PIGH: variants seen among roughly 807,000 people sequenced by gnomAD.
PIGH encodes phosphatidylinositol glycan anchor biosynthesis class H.
In PIGH, 11 loss-of-function variants were observed where a neutral mutation model predicts 20.1. The observed-to-expected ratio is 0.55, with a 90% confidence interval of 0.34 to 0.91. PIGH has a LOEUF of 0.91. Ranked by LOEUF, PIGH falls within the 40% of genes least tolerant of loss-of-function variation. The pLI is 0.02. For synonymous variants in PIGH, 72 were observed against 93.1 expected (o/e 0.77, Z 1.31); for missense variants, 189 against 233.6 (o/e 0.81, Z 1.24).
rs189115295 is a variant in PIGH, at chr14:67,589,672, C to T, written c.*408G>A. On this transcript the variant is annotated 3_prime_UTR_variant, in exon 4 of 4. Transcript: ENST00000216452. ...CCAGTACTGAAGGGCTTGTTTTTTT[C>T]GTAACTTTACACAAGGGGTACTATT... 447 of 990,592 alleles carry T rather than the reference C, an allele frequency of 4.5e-4. 3 individuals carry two copies. In the African/African-American group the frequency reaches 7.3e-3, roughly 16 times the overall value. 61.4% of individuals were successfully genotyped at this position (990,592 alleles called of 1,614,324 possible).
chr14:67,594,126 A>G (rs2036427402), intron 1 of PIGH, among the ~76,000 whole-genome samples, 174 bp from the exon 2 acceptor site: 1 of 152,118 alleles, frequency 6.6e-6, no homozygotes, highest in African/African-American at 2.4e-5. Flanking sequence ...TCTAGGGGAA[A>G]CCTCCATCAG....
rs1466531697 is a variant in PIGH at position 67,600,078 on chromosome 14, G to C, written c.126C>G (p.Thr42=). 6.3e-7 allele frequency: 1 copy of C among 1,593,212 alleles called. No individual in the cohort carries two copies. Among genetic ancestry groups the C allele is most frequent in the Admixed American group, 1.7e-5 (1 of 57,228 alleles). ...CCAGCCACACCGTGCAGGTGACAGC[G>C]GTGAGCGAACGCAGCGAGAGCCGAG... The part of the protein sequence containing the change: ...SCPRLSLRSL[T]AVTCTVWLAA... The change falls in exon 1 of 4, where the codon ACC becomes ACG. Residue 42 remains threonine, a synonymous_variant. Transcript: ENST00000216452.
At chr14:67,596,990 T>C (rs1244568169) in intron 1 of PIGH, among the ~76,000 whole-genome samples, 1 of 152,244 alleles carries the variant, frequency 6.6e-6, no homozygotes, top group East Asian at 1.9e-4. Flanking sequence ...GATGGTCTCT[T>C]TCTACTTTTT....
intron 3 of PIGH, among the ~76,000 whole-genome samples, chr14:67,591,024 AAT>A (rs1456041159): frequency 6.6e-6 from 1 of 152,208 alleles, no homozygotes; most frequent in Non-Finnish European, 1.5e-5. Flanking sequence ...GAATGGAAAA[AAT>A]ATATGTGAAA....
rs61749519 is a variant in PIGH, at chr14:67,600,189, C to T, written c.15G>A (p.Arg5=). The change falls in exon 1 of 4, where the codon CGG becomes CGA. Residue 5 remains arginine, a synonymous_variant. Coordinates refer to ENST00000216452, the MANE Select transcript of PIGH (RefSeq NM_004569.5). Reference sequence around the variant, plus strand: ...GGCCGCCGCAGATATCCGAAAAGCTCCGCTCATCCTCCATGACGCCCCCAC... The same window carrying T: ...GGCCGCCGCAGATATCCGAAAAGCTTCGCTCATCCTCCATGACGCCCCCAC... The part of the protein sequence containing the change: MEDE[R]SFSDICGGRL... The T allele has an allele frequency of 0.023, 36,599 of 1,582,094 alleles. 1,133 individuals are homozygous for T. The highest frequency in any genetic ancestry group is 0.15 in the African/African-American group (10,764 of 74,192).
In PIGH at chr14:67,589,784, T is replaced by G; in HGVS notation, c.*296A>C. 1.8e-6 allele frequency: 2 copies of G among 1,088,856 alleles called. No individual in the cohort carries two copies. The highest frequency in any genetic ancestry group is 2.2e-6 in the Non-Finnish European group (2 of 897,372). The allele number at this position is 1,088,856 out of a possible 1,614,324, so 67.4% of individuals were successfully genotyped here. On this transcript the variant is annotated 3_prime_UTR_variant, in exon 4 of 4. Coordinates refer to ENST00000216452, the MANE Select transcript of PIGH (RefSeq NM_004569.5). ...TCAACAAAGTAAACCTGAACATGCT[T>G]AGCAATTTCCGAAAGTGTTCTTTGC...
At chr14:67,592,899 C>G (rs1177807295) in intron 2 of PIGH, 181 bp from the exon 3 acceptor site, 2 of 456,272 alleles carry the variant, frequency 4.4e-6, no homozygotes, top group Non-Finnish European at 7.9e-6. Context: ...GATTCTCCTG[C>G]CTCAGCCTCC....
intron 1 of PIGH, among the ~76,000 whole-genome samples, chr14:67,597,525 C>A (rs1332399056): frequency 6.6e-6 from 1 of 151,740 alleles, no homozygotes; most frequent in African/African-American, 2.4e-5. Context: ...GTTTGCTTAT[C>A]TCTGTGCTAG....
rs2036407029 is a variant in PIGH, at chr14:67,593,116, C to A, written c.391-398G>T. On this transcript the variant is annotated intron_variant, in intron 2 of 3. Coordinates refer to ENST00000216452, the MANE Select transcript of PIGH (RefSeq NM_004569.5). ...TCTATTTTTCTAAGGGAAGGCTCAA[C>A]ACTTTTTCACAAATGTTTAAGTAGT... The A allele has an allele frequency of 1.8e-5, 3 of 169,434 alleles. No homozygotes were observed. The South Asian group carries it at 4.4e-4, about 25-fold the overall frequency. The allele number at this position is 169,434 out of a possible 1,614,324, so 10.5% of individuals were successfully genotyped here.
intron 3 of PIGH, among the ~76,000 whole-genome samples, chr14:67,591,222 A>G (rs2036361506): frequency 6.6e-6 from 1 of 152,194 alleles, no homozygotes; most frequent in Non-Finnish European, 1.5e-5. Flanking sequence ...AAAGAGATAC[A>G]AATTTAATGC....
Position 67,592,811 on chromosome 14 carries a change from A to T in PIGH, c.391-93T>A, listed in dbSNP as rs548132529. 3.4e-5 allele frequency: 28 copies of T among 828,166 alleles called. 1 individual carries two copies. In the South Asian group the frequency reaches 4.3e-4, roughly 13 times the overall value. The allele number at this position is 828,166 out of a possible 1,614,324, so 51.3% of individuals were successfully genotyped here. On this transcript the variant is annotated intron_variant, in intron 2 of 3. Coordinates refer to ENST00000216452, the MANE Select transcript of PIGH (RefSeq NM_004569.5). ...CTTTATTTATTTATTTTTGAGACAGAGTCTCTCTCTGTTGCCCAAGCTGCA... is the reference window on the plus strand; with the variant it reads ...CTTTATTTATTTATTTTTGAGACAGTGTCTCTCTCTGTTGCCCAAGCTGCA...
At chr14:67,592,757 ACTCATTTTGCATT>A (rs2036398726) in intron 2 of PIGH, 39 bp from the exon 3 acceptor site, 1 of 1,181,400 alleles carries the variant, frequency 8.5e-7, no homozygotes, top group Admixed American at 1.9e-5. Flanking sequence ...TCTAAGTGAA[ACTCATTTTGCATT>A]CTTTTTTTCT....
At chr14:67,592,912 A>G (rs2036402796) in intron 2 of PIGH, 194 bp from the exon 3 acceptor site, 1 of 445,334 alleles carries the variant, frequency 2.2e-6, no homozygotes, top group Non-Finnish European at 4.1e-6. Context: ...CAGCCTCCCA[A>G]GTAGCTGGGA....
chr14:67,596,900 C>A (rs1319058109), intron 1 of PIGH, among the ~76,000 whole-genome samples: 1 of 152,220 alleles, frequency 6.6e-6, no homozygotes, highest in Admixed American at 6.5e-5. Flanking sequence ...ACTGAAGTCT[C>A]TTTTCCCCTA....
At chr14:67,594,196 TA>T (rs1374587884) in intron 1 of PIGH, among the ~76,000 whole-genome samples, 1 of 152,152 alleles carries the variant, frequency 6.6e-6, no homozygotes, top group Non-Finnish European at 1.5e-5. Context: ...CTTTAGGGCC[TA>T]AATCAGCTGA....
chr14:67,594,390 T>C (rs2036431793), intron 1 of PIGH, among the ~76,000 whole-genome samples: 1 of 152,302 alleles, frequency 6.6e-6, no homozygotes, highest in Non-Finnish European at 1.5e-5. Context: ...GGCTCACGCC[T>C]GTACTCCTAG....
intron 1 of PIGH, among the ~76,000 whole-genome samples, chr14:67,594,789 A>T (rs1184271327): frequency 6.6e-6 from 1 of 152,240 alleles, no homozygotes; most frequent in Non-Finnish European, 1.5e-5. Flanking sequence ...AATTAAAATT[A>T]AAAAATGCAT....
At chr14:67,596,323 T>G (rs1267404124) in intron 1 of PIGH, among the ~76,000 whole-genome samples, 1 of 137,048 alleles carries the variant, frequency 7.3e-6, no homozygotes, top group African/African-American at 2.8e-5. Context: ...TTTTTTTTAG[T>G]AGAGATGGGG....
intron 3 of PIGH, 77 bp from the exon 4 acceptor site, chr14:67,590,249 A>T (rs959820524): frequency 1.7e-4 from 127 of 733,244 alleles, no homozygotes; most frequent in East Asian, 4.1e-4. Flanking sequence ...CCACTTGCAA[A>T]TTTTTTTTTT....
Sources: gnomAD v4.1 joint callset for allele counts (sites outside exome capture counted in the v4.1 genomes callset) on GRCh38, gnomAD v4.1.1 for gene constraint, MANE v1.5 for transcripts, NCBI Gene and HGNC (gene_info 2026-07-23, HGNC 2026-07-21) for gene names.